The following FNDC3B variants were observed in gnomAD, a reference collection of about 807,000 sequenced individuals.
FNDC3B encodes fibronectin type III domain containing 3B.
In FNDC3B, 12 loss-of-function variants were observed where a neutral mutation model predicts 151.5. The observed-to-expected ratio is 0.08, with a 90% confidence interval of 0.05 to 0.13. The LOEUF (loss-of-function observed/expected upper bound fraction) is 0.13. FNDC3B is among the 10% of genes least tolerant of loss of function. The pLI is 1.00. For missense variants in FNDC3B, 1,214 were observed against 1,505.3 expected, an observed-to-expected ratio of 0.81 and a Z score of 3.20; for synonymous variants, 528 against 549.0, an observed-to-expected ratio of 0.96 and a Z score of 0.54.
intron 15 of FNDC3B, among the ~76,000 whole-genome samples, chr3:172,336,878 A>G (rs1732999814): frequency 6.6e-6 from 1 of 151,148 alleles, no homozygotes; most frequent in Non-Finnish European, 1.5e-5. Context: ...ATTCCAGCCT[A>G]GGCAACAGAG....
intron 4 of FNDC3B, among the ~76,000 whole-genome samples, chr3:172,233,878 G>T (rs1487067546): frequency 1.3e-5 from 2 of 152,140 alleles, no homozygotes; most frequent in African/African-American, 4.8e-5. Context: ...GTGCATGGGG[G>T]TTGGTATTGT....
intron 3 of FNDC3B, among the ~76,000 whole-genome samples, chr3:172,190,330 T>A (rs1266148418): frequency 6.6e-6 from 1 of 152,144 alleles, no homozygotes; most frequent in African/African-American, 2.4e-5. Context: ...ATTATATAGT[T>A]TGAAATATAA....
intron 11 of FNDC3B, among the ~76,000 whole-genome samples, chr3:172,312,910 A>G (rs1251872325): frequency 6.6e-6 from 1 of 152,132 alleles, no homozygotes; most frequent in Non-Finnish European, 1.5e-5. Context: ...CTCTGCTGAA[A>G]CAGGACAGGC....
chr3:172,091,009 A>G (rs552117014), intron 1 of FNDC3B, among the ~76,000 whole-genome samples: 2 of 152,300 alleles, frequency 1.3e-5, no homozygotes, highest in South Asian at 4.1e-4. Context: ...TGAAATCTGA[A>G]ACACCTAGGG....
chr3:172,372,724 A>G (rs1734941074), intron 23 of FNDC3B, among the ~76,000 whole-genome samples: 1 of 152,180 alleles, frequency 6.6e-6, no homozygotes, highest in African/African-American at 2.4e-5. Context: ...AGAGGTCCTC[A>G]GGATACAATT....
In FNDC3B at chr3:172,399,629, AC is replaced by A. The variant is rs760083322; in HGVS notation, c.*2159del. ...CCAAAGTTCTGGCCTTCCAAAACTC[AC>A]CCCCTTATTTAAATGTGTGCTATGA... is the stretch of plus-strand genomic sequence containing the variant. On this transcript the variant is annotated 3_prime_UTR_variant, in exon 26 of 26. Transcript: ENST00000415807. 6.6e-6 allele frequency: 1 copy of A among 151,856 alleles called. No individual in the cohort carries two copies. The highest frequency in any genetic ancestry group is 1.5e-5 in the Non-Finnish European group (1 of 67,822). The allele number at this position is 151,856 out of a possible 1,614,324, so 9.4% of individuals were successfully genotyped here.
At chr3:172,311,674 G>C (rs997173827) in intron 11 of FNDC3B, among the ~76,000 whole-genome samples, 2 of 150,664 alleles carry the variant, frequency 1.3e-5, no homozygotes, top group Non-Finnish European at 2.9e-5. Context: ...AGACCATCCT[G>C]GCTAACACGA....
At chr3:172,304,793 G>C (rs1278144809) in intron 9 of FNDC3B, among the ~76,000 whole-genome samples, 2 of 151,992 alleles carry the variant, frequency 1.3e-5, no homozygotes, top group South Asian at 2.1e-4. Flanking sequence ...GCCACTCAGG[G>C]GGCCGAGGCA....
chr3:172,231,668 C>T (rs989143987), intron 4 of FNDC3B, among the ~76,000 whole-genome samples: 1 of 152,232 alleles, frequency 6.6e-6, no homozygotes, highest in Non-Finnish European at 1.5e-5. Flanking sequence ...GATGCTGACG[C>T]CCCGGTTGGA....
At position 172,162,415 on chromosome 3, in the gene FNDC3B, C is replaced by G. The variant is rs1182336830; in HGVS notation, c.187+28869C>G. 2.0e-5 allele frequency among the ~76,000 whole-genome samples: 3 copies of G among 152,226 alleles called. No individual in the cohort carries two copies. The East Asian group carries it at 5.8e-4, about 29-fold the overall frequency. ...ACTGATAAACATTTGGGTTGTTTCC[C>G]CTTTTTGGCTATTAATACCGTGGCT... On this transcript the variant is annotated intron_variant, in intron 3 of 25. Coordinates refer to ENST00000415807, the MANE Select transcript of FNDC3B (RefSeq NM_022763.4).
At chr3:172,327,549 C>T (rs758055193) in intron 11 of FNDC3B, among the ~76,000 whole-genome samples, 6 of 152,148 alleles carry the variant, frequency 3.9e-5, no homozygotes, top group African/African-American at 7.2e-5. Context: ...TACCAGCACC[C>T]GCCACCAAGC....
rs186523847 is a variant in FNDC3B, at chr3:172,354,168, T to A, written c.2795+1085T>A. On this transcript the variant is annotated intron_variant, in intron 22 of 25. Coordinates refer to ENST00000415807, the MANE Select transcript of FNDC3B (RefSeq NM_022763.4). Reference sequence around the variant, plus strand: ...ATTCAAAGTATGTTCAATATCATTCTATAGTAGTTTATTTCTGGTTAACAT... The same window carrying A: ...ATTCAAAGTATGTTCAATATCATTCAATAGTAGTTTATTTCTGGTTAACAT... Among the ~76,000 whole-genome samples, 93 of 152,296 alleles carry A rather than the reference T, an allele frequency of 6.1e-4. 1 individual carries two copies. Among genetic ancestry groups the A allele is most frequent in the Admixed American group, 5.2e-3 (80 of 15,296 alleles).
chr3:172,108,610 A>C (rs1719799131), intron 1 of FNDC3B, among the ~76,000 whole-genome samples: 1 of 152,214 alleles, frequency 6.6e-6, no homozygotes, highest in African/African-American at 2.4e-5. Flanking sequence ...GTGACTATAG[A>C]GTGATGACTG....
At chr3:172,074,487 C>A (rs1717916122) in intron 1 of FNDC3B, among the ~76,000 whole-genome samples, 1 of 152,174 alleles carries the variant, frequency 6.6e-6, no homozygotes, top group African/African-American at 2.4e-5. Flanking sequence ...TGTTTAACAG[C>A]AACCTGTTAC....
At chr3:172,340,841 G>A (rs752725107) in intron 16 of FNDC3B, among the ~76,000 whole-genome samples, 1 of 152,050 alleles carries the variant, frequency 6.6e-6, no homozygotes, top group East Asian at 1.9e-4. Context: ...CCAGCGGCAC[G>A]TTTCATTATG....
intron 11 of FNDC3B, among the ~76,000 whole-genome samples, chr3:172,312,685 G>GT (rs1189450665): frequency 4.0e-5 from 6 of 151,882 alleles, no homozygotes; most frequent in South Asian, 2.1e-4. Context: ...TGAATCCTGT[G>GT]TTTTTTTACT....
At chr3:172,041,549 C>T (rs1330834519) in intron 1 of FNDC3B, among the ~76,000 whole-genome samples, 6 of 148,904 alleles carry the variant, frequency 4.0e-5, no homozygotes, top group Admixed American at 2.0e-4. Flanking sequence ...TGGGGAGGCA[C>T]GGTGGTTGTG....
At chr3:172,392,249 A>G (rs1252333880) in intron 25 of FNDC3B, among the ~76,000 whole-genome samples, 1 of 152,238 alleles carries the variant, frequency 6.6e-6, no homozygotes, top group Non-Finnish European at 1.5e-5. Context: ...AGCTATTTGT[A>G]ACTCAAACAG....
chr3:172,247,468 A>C lies in FNDC3B; in HGVS notation c.265-65A>C, dbSNP rs1240288817. ...AAGTAAAATTAAAGTGGAAGTTATT[A>C]ATACTATATATATTCATAGGCTGCT... On this transcript the variant is annotated intron_variant, in intron 4 of 25. Coordinates refer to ENST00000415807, the MANE Select transcript of FNDC3B (RefSeq NM_022763.4). The C allele has an allele frequency of 7.4e-6, 11 of 1,492,566 alleles. No individual in the cohort carries two copies. In the African/African-American group the frequency reaches 1.4e-4, roughly 19 times the overall value. 92.5% of individuals were successfully genotyped at this position (1,492,566 alleles called of 1,614,324 possible).
Sources: gnomAD v4.1 joint callset for allele counts (sites outside exome capture counted in the v4.1 genomes callset) on GRCh38, gnomAD v4.1.1 for gene constraint, MANE v1.5 for transcripts, NCBI Gene and HGNC (gene_info 2026-07-23, HGNC 2026-07-21) for gene names.